Variants in PTGER2 observed in about 807,000 individuals in gnomAD.
PTGER2 encodes prostaglandin E receptor 2.
A neutral mutation model predicts 26.2 loss-of-function variants in PTGER2; 22 were observed. That is an observed-to-expected ratio of 0.84 (90% CI 0.60 to 1.20). PTGER2 has a LOEUF of 1.20. Ranked by LOEUF, PTGER2 falls within the 50% of genes most tolerant of loss-of-function variation. The pLI is 0.00. For synonymous variants in PTGER2, 219 were observed against 208.9 expected (o/e 1.05, Z -0.42); for missense variants, 458 against 475.2 (o/e 0.96, Z 0.34).
At chr14:52,315,543 T>A in intron 1 of PTGER2, 152 bp downstream of exon 1, 1 of 1,113,914 alleles carries the variant, frequency 9.0e-7, no homozygotes. Flanking sequence ...TCCCCACTAG[T>A]TTCCCCTCCT....
chr14:52,321,118 A>G (rs1205523019), intron 1 of PTGER2, among the ~76,000 whole-genome samples: 1 of 152,184 alleles, frequency 6.6e-6, no homozygotes, highest in East Asian at 1.9e-4. Flanking sequence ...GACAAAGGAC[A>G]CTAGTCCTGG....
chr14:52,321,293 C>G (rs1263760308), intron 1 of PTGER2, among the ~76,000 whole-genome samples: 4 of 151,952 alleles, frequency 2.6e-5, no homozygotes, highest in South Asian at 4.2e-4. Flanking sequence ...TAGGCAAAGT[C>G]TATAGTCAGG....
In PTGER2 at chr14:52,327,801, T is replaced by C; in HGVS notation, c.*347T>C. 4.6e-6 allele frequency: 1 copy of C among 218,806 alleles called. No homozygotes were observed. The highest frequency in any genetic ancestry group is 8.6e-5 in the South Asian group (1 of 11,568). The allele number at this position is 218,806 out of a possible 1,614,324, so 13.6% of individuals were successfully genotyped here. A position where few individuals can be genotyped will look rare whatever the true frequency, so the allele number is the denominator to read the frequency against. On this transcript the variant is annotated 3_prime_UTR_variant, in exon 2 of 2. Coordinates refer to ENST00000245457, the MANE Select transcript of PTGER2 (RefSeq NM_000956.4). ...GAAACCCCAAACAGTGACTGTACTTTCTATTTTAATCTTGCTACTACCGTT... is the reference window on the plus strand; with the variant it reads ...GAAACCCCAAACAGTGACTGTACTTCCTATTTTAATCTTGCTACTACCGTT...
At position 52,315,542 on chromosome 14, in the gene PTGER2, GTTTCCCCTCC is replaced by G; in HGVS notation, c.843+153_843+162del. On this transcript the variant is annotated intron_variant, in intron 1 of 1. Transcript: ENST00000245457. ...TAAAGATCTGTAGCCTTCCCCACTA[GTTTCCCCTCC>G]TCTTTAGCCCACTTCCTTATCCTGG... 2.7e-6 allele frequency: 3 copies of G among 1,127,286 alleles called. No individual in the cohort carries two copies. The South Asian group carries it at 4.8e-5, about 18-fold the overall frequency. The allele number at this position is 1,127,286 out of a possible 1,614,324, so 69.8% of individuals were successfully genotyped here. A position where few individuals can be genotyped will look rare whatever the true frequency, so the allele number is the denominator to read the frequency against.
chr14:52,315,746 C>A (rs1336085097), intron 1 of PTGER2, among the ~76,000 whole-genome samples: 1 of 152,220 alleles, frequency 6.6e-6, no homozygotes, highest in Non-Finnish European at 1.5e-5. Flanking sequence ...GCAGCCCCTT[C>A]CACCTTAGGA....
At chr14:52,322,863 T>C (rs904226506) in intron 1 of PTGER2, among the ~76,000 whole-genome samples, 11 of 152,200 alleles carry the variant, frequency 7.2e-5, no homozygotes, top group African/African-American at 2.7e-4. Flanking sequence ...CCACAGCCAG[T>C]CAGACCTTGT....
In PTGER2 at chr14:52,327,573, T is replaced by C; in HGVS notation, c.*119T>C. 3.7e-6 allele frequency: 3 copies of C among 802,588 alleles called. No individual in the cohort carries two copies. Among genetic ancestry groups the C allele is most frequent in the Middle Eastern group, 3.1e-4 (1 of 3,244 alleles). The allele number at this position is 802,588 out of a possible 1,614,324, so 49.7% of individuals were successfully genotyped here. On this transcript the variant is annotated 3_prime_UTR_variant, in exon 2 of 2. Coordinates refer to ENST00000245457, the MANE Select transcript of PTGER2 (RefSeq NM_000956.4). The stretch of plus-strand genomic sequence containing the variant: ...GAAGCTGCCCTAATAAAAAGGAGTA[T>C]ACAAACATTTAAGCTGTGGTCAAGG...
In PTGER2 at chr14:52,327,409, T is replaced by C; in HGVS notation, c.1032T>C (p.Thr344=). ...ISLRTQDATQ[T]SCSTQSDASK... is the part of the protein sequence containing the mutation. ...TAAGAACACAAGATGCAACACAAACTTCCTGTTCTACACAGTCAGATGCCA... is the reference window on the plus strand; with the variant it reads ...TAAGAACACAAGATGCAACACAAACCTCCTGTTCTACACAGTCAGATGCCA... The change falls in exon 2 of 2, where the codon ACT becomes ACC. Residue 344 remains threonine (T), a synonymous_variant. Transcript: ENST00000245457. The C allele has an allele frequency of 6.2e-7, 1 of 1,613,570 alleles. No homozygotes were observed. The highest frequency in any genetic ancestry group is 1.7e-5 in the Admixed American group (1 of 60,022).
chr14:52,321,251 C>T (rs1566496263), intron 1 of PTGER2, among the ~76,000 whole-genome samples: 1 of 79,248 alleles, frequency 1.3e-5, no homozygotes, highest in African/African-American at 3.7e-5. Context: ...AAAATAATCT[C>T]CCCCCAAAAT....
chr14:52,318,273 T>G (rs1460626881), intron 1 of PTGER2, among the ~76,000 whole-genome samples: 1 of 152,196 alleles, frequency 6.6e-6, no homozygotes, highest in Non-Finnish European at 1.5e-5. Context: ...ATGTTTCTGT[T>G]TCTCTAACGG....
At chr14:52,323,160 C>T (rs2033915017) in intron 1 of PTGER2, among the ~76,000 whole-genome samples, 2 of 152,176 alleles carry the variant, frequency 1.3e-5, no homozygotes, top group Non-Finnish European at 2.9e-5. Context: ...ACCAGTCCTT[C>T]CATTTGGGGT....
intron 1 of PTGER2, among the ~76,000 whole-genome samples, chr14:52,321,637 A>G (rs2033896575): frequency 6.6e-6 from 1 of 152,226 alleles, no homozygotes; most frequent in South Asian, 2.1e-4. Flanking sequence ...GTTTGACTCC[A>G]CATTTTCTCT....
Position 52,315,283 on chromosome 14 carries a change from C to CG in PTGER2, c.739dup (p.Ala247GlyfsTer42). 4 of 1,612,626 alleles carry CG rather than the reference C, an allele frequency of 2.5e-6. No individual in the cohort carries two copies. The highest frequency in any genetic ancestry group is 3.4e-6 in the Non-Finnish European group (4 of 1,179,682). ...CCCTGGGCAGTGGCCGGGGCGGCCC[C>CG]GGGGCCCGCAGGAGAGGGGAAAGGG... On this transcript the variant is annotated frameshift_variant, in exon 1 of 2. Coordinates refer to ENST00000245457, the MANE Select transcript of PTGER2 (RefSeq NM_000956.4). LOFTEE classifies it high-confidence loss of function.
intron 1 of PTGER2, among the ~76,000 whole-genome samples, chr14:52,323,416 G>A (rs975051567): frequency 5.9e-5 from 9 of 152,016 alleles, no homozygotes; most frequent in African/African-American, 1.7e-4. Context: ...ACACGCCTGG[G>A]TAATTTTTGT....
chr14:52,323,891 G>A (rs904640505), intron 1 of PTGER2, among the ~76,000 whole-genome samples: 3 of 152,140 alleles, frequency 2.0e-5, no homozygotes, highest in Non-Finnish European at 4.4e-5. Context: ...CAAATACATT[G>A]GTAGTGCACA....
intron 1 of PTGER2, among the ~76,000 whole-genome samples, chr14:52,326,463 C>T (rs1279677704): frequency 1.3e-5 from 2 of 152,238 alleles, no homozygotes; most frequent in Admixed American, 6.5e-5. Flanking sequence ...GTAGCTTACA[C>T]ATATCACTTC....
chr14:52,323,110 A>G (rs1256601791), intron 1 of PTGER2, among the ~76,000 whole-genome samples: 1 of 152,214 alleles, frequency 6.6e-6, no homozygotes, highest in Non-Finnish European at 1.5e-5. Context: ...ATAAATGTCC[A>G]TGAAATCTTC....
At chr14:52,324,864 C>T (rs1015366191) in intron 1 of PTGER2, among the ~76,000 whole-genome samples, 1 of 152,070 alleles carries the variant, frequency 6.6e-6, no homozygotes, top group Admixed American at 6.6e-5. Flanking sequence ...ACTGGCTGGG[C>T]GCAGTGGCTC....
chr14:52,318,157 T>C (rs2033859705), intron 1 of PTGER2, among the ~76,000 whole-genome samples: 1 of 152,188 alleles, frequency 6.6e-6, no homozygotes, highest in African/African-American at 2.4e-5. Flanking sequence ...CACACTAAAA[T>C]TGTGGTCAGA....
Sources: allele counts gnomAD v4.1 joint callset (sites outside exome capture counted in the v4.1 genomes callset), GRCh38; gene constraint gnomAD v4.1.1; transcripts MANE v1.5; gene names NCBI Gene and HGNC (gene_info 2026-07-23, HGNC 2026-07-21).